Variants in PRKCI observed in about 807,000 individuals in gnomAD.
PRKCI encodes the protein protein kinase C iota type.
A neutral mutation model predicts 84.0 loss-of-function variants in PRKCI; 43 were observed. The observed-to-expected ratio is 0.51, with a 90% CI of 0.40 to 0.66. PRKCI has a LOEUF of 0.66. Ranked by LOEUF, PRKCI falls within the 30% of genes least tolerant of loss-of-function variation. PRKCI has a pLI of 0.00. For missense variants in PRKCI, 459 were observed against 745.6 expected (o/e 0.62, Z 4.48); for synonymous variants, 216 against 234.4 (o/e 0.92, Z 0.72).
intron 3 of PRKCI, among the ~76,000 whole-genome samples, chr3:170,262,631 A>G (rs905692964): frequency 6.6e-6 from 1 of 151,974 alleles, no homozygotes; most frequent in Non-Finnish European, 1.5e-5. Flanking sequence ...CAGGCACATC[A>G]CCATGCCAGG....
intron 6 of PRKCI, among the ~76,000 whole-genome samples, chr3:170,271,886 T>C (rs1003303898): frequency 6.6e-6 from 1 of 152,196 alleles, no homozygotes; most frequent in Non-Finnish European, 1.5e-5. Flanking sequence ...CAGGCTGGAA[T>C]GTAGTGGCAC....
intron 12 of PRKCI, among the ~76,000 whole-genome samples, chr3:170,290,390 T>C (rs1734519410): frequency 6.6e-6 from 1 of 152,076 alleles, no homozygotes; most frequent in Non-Finnish European, 1.5e-5. Flanking sequence ...TGACCTAATA[T>C]ATGGCCAGTA....
chr3:170,274,376 C>T (rs1734066739), intron 7 of PRKCI, among the ~76,000 whole-genome samples: 1 of 152,174 alleles, frequency 6.6e-6, no homozygotes, highest in Admixed American at 6.5e-5. Flanking sequence ...TCAAGTAATC[C>T]ACCCGCCTTG....
intron 2 of PRKCI, among the ~76,000 whole-genome samples, chr3:170,255,026 A>G (rs1434827019): frequency 1.6e-5 from 1 of 63,486 alleles, no homozygotes; most frequent in Non-Finnish European, 3.5e-5. Flanking sequence ...GTATTTTATG[A>G]TTTTCATTGT....
intron 12 of PRKCI, among the ~76,000 whole-genome samples, chr3:170,285,078 CTTTT>C (rs199832004): frequency 2.3e-5 from 3 of 129,812 alleles, no homozygotes; most frequent in Non-Finnish European, 1.7e-5. Flanking sequence ...GTCTTCATTT[CTTTT>C]TTTTTTTTTT....
intron 2 of PRKCI, among the ~76,000 whole-genome samples, chr3:170,249,070 G>A (rs1469514436): frequency 6.6e-6 from 1 of 151,940 alleles, no homozygotes; most frequent in Non-Finnish European, 1.5e-5. Flanking sequence ...GGATGGTCTC[G>A]ATCTCCTGAC....
At chr3:170,283,573 C>G (rs1017002160) in intron 11 of PRKCI, among the ~76,000 whole-genome samples, 3 of 152,126 alleles carry the variant, frequency 2.0e-5, no homozygotes, top group Non-Finnish European at 4.4e-5. Flanking sequence ...AATGGTCACC[C>G]TTCATAGAGC....
chr3:170,282,586 A>G (rs1001594049), intron 11 of PRKCI, among the ~76,000 whole-genome samples: 1 of 150,842 alleles, frequency 6.6e-6, no homozygotes, highest in African/African-American at 2.4e-5. Flanking sequence ...AATCCCAGCT[A>G]CTCAGGAGGC....
intron 2 of PRKCI, among the ~76,000 whole-genome samples, chr3:170,251,455 C>A (rs965208763): frequency 5.3e-5 from 8 of 151,920 alleles, no homozygotes; most frequent in African/African-American, 1.9e-4. Context: ...CAATAAATGC[C>A]AAGAAGAAAT....
intron 14 of PRKCI, 49 bp downstream of exon 14, chr3:170,293,557 A>G (rs1402985818): frequency 1.9e-6 from 3 of 1,569,560 alleles, no homozygotes; most frequent in African/African-American, 2.7e-5. Context: ...CCTATTCTAG[A>G]GTACAAATGA....
chr3:170,295,182 G>A (rs1734660888), intron 14 of PRKCI, among the ~76,000 whole-genome samples: 1 of 151,550 alleles, frequency 6.6e-6, no homozygotes, highest in Non-Finnish European at 1.5e-5. Flanking sequence ...CTGCACTCCA[G>A]TCTGGGCAAG....
intron 1 of PRKCI, among the ~76,000 whole-genome samples, chr3:170,232,258 C>T (rs1732819488): frequency 6.6e-6 from 1 of 152,060 alleles, no homozygotes; most frequent in Non-Finnish European, 1.5e-5. Flanking sequence ...CCTGTGTTGC[C>T]CAGGCAGGCC....
intron 2 of PRKCI, among the ~76,000 whole-genome samples, chr3:170,249,039 G>A (rs778012152): frequency 1.5e-4 from 23 of 151,808 alleles, no homozygotes; most frequent in African/African-American, 5.3e-4. Flanking sequence ...CAGTAGAGAC[G>A]GGGTTTCACC....
In PRKCI at chr3:170,275,274, G is replaced by T. The variant is rs1301070129; in HGVS notation, c.692G>T (p.Gly231Val). Residue 231 changes from glycine (G) to valine (V), a missense_variant, in exon 8 of 18, where the codon GGT becomes GTT. By Grantham distance (109) the Gly-to-Val change is moderately radical. Around this residue, in one of 2 missense-constraint regions of PRKCI, gnomAD observed 250 missense variants for 319.7 expected, o/e 0.78. Transcript: ENST00000295797. ...AGTCATGAGAGTTTGGATCAAGTTG[G>T]TGAAGAAAAAGAGGTAAGATAATTT... ...PSSHESLDQV[G>V]EEKEAMNTRE... The T allele has an allele frequency of 1.9e-6, 3 of 1,594,172 alleles. No individual in the cohort carries two copies. Among genetic ancestry groups the T allele is most frequent in the Admixed American group, 1.7e-5 (1 of 57,628 alleles).
At chr3:170,256,801 A>G (rs901667756) in intron 2 of PRKCI, among the ~76,000 whole-genome samples, 1 of 151,792 alleles carries the variant, frequency 6.6e-6, no homozygotes, top group African/African-American at 2.4e-5. Context: ...GTGGGCACTT[A>G]TTGCTTGCTA....
intron 2 of PRKCI, among the ~76,000 whole-genome samples, chr3:170,256,312 T>C (rs1177318556): frequency 6.6e-6 from 1 of 152,214 alleles, no homozygotes; most frequent in Admixed American, 6.5e-5. Context: ...GGCTTTTCTT[T>C]GCTGAGAGAC....
chr3:170,277,015 C>G (rs1734130895), intron 8 of PRKCI, among the ~76,000 whole-genome samples: 1 of 149,086 alleles, frequency 6.7e-6, no homozygotes, highest in Non-Finnish European at 1.5e-5. Flanking sequence ...CAGAGTCAGG[C>G]AGATCACTTG....
At chr3:170,259,536 C>T (rs73034380) in intron 2 of PRKCI, among the ~76,000 whole-genome samples, 12,315 of 151,448 alleles carry the variant, frequency 0.081, 1,195 homozygotes, top group African/African-American at 0.23. Flanking sequence ...AGGCCAGGCA[C>T]GGTGCTTCAC....
chr3:170,283,877 C>T (rs1405515093), intron 11 of PRKCI, among the ~76,000 whole-genome samples: 1 of 152,168 alleles, frequency 6.6e-6, no homozygotes, highest in Non-Finnish European at 1.5e-5. Context: ...GCCAAAAGTT[C>T]TGGGTTGTCA....
Sources: gnomAD v4.1 joint callset for allele counts (sites outside exome capture counted in the v4.1 genomes callset) on GRCh38, gnomAD v4.1.1 for gene constraint, gnomAD v4.1.1 regional missense constraint, MANE v1.5 for transcripts, NCBI Gene and HGNC (gene_info 2026-07-23, HGNC 2026-07-21) for gene names.